The following EPSTI1 variants were observed in gnomAD, a reference collection of about 807,000 sequenced individuals.
EPSTI1 encodes epithelial stromal interaction 1.
EPSTI1 carries 66 observed loss-of-function variants against 49.9 expected under a neutral mutation model. The ratio of observed to expected loss-of-function variants is 1.32; its 90% CI spans 1.08 to 1.62. EPSTI1 has a LOEUF of 1.62. Among genes scored for constraint, EPSTI1 ranks in the 40% most tolerant of loss-of-function variants. The pLI, the probability that EPSTI1 is intolerant of heterozygous loss-of-function variation, is 0.00. For synonymous variants in EPSTI1, 137 were observed against 130.7 expected, an observed-to-expected ratio of 1.05 and a Z score of -0.33; for missense variants, 394 against 365.5, an observed-to-expected ratio of 1.08 and a Z score of -0.64.
chr13:42,974,521 T>A (rs1168039697), intron 1 of EPSTI1, among the ~76,000 whole-genome samples: 1 of 151,460 alleles, frequency 6.6e-6, no homozygotes, highest in Non-Finnish European at 1.5e-5. Flanking sequence ...TAGCCGGGCG[T>A]GGTGGTGGGC....
At chr13:42,939,241 A>G (rs1575518) in intron 6 of EPSTI1, among the ~76,000 whole-genome samples, 82,712 of 151,990 alleles carry the variant, frequency 0.54, 22,870 homozygotes, top group African/African-American at 0.64. Flanking sequence ...CATATTAGCA[A>G]TACAGCTATT....
At chr13:42,974,954 C>T (rs899822766) in intron 1 of EPSTI1, among the ~76,000 whole-genome samples, 2 of 151,850 alleles carry the variant, frequency 1.3e-5, no homozygotes, top group Admixed American at 1.3e-4. Context: ...AAGTGAAAAA[C>T]ATAATTTCAA....
intron 1 of EPSTI1, among the ~76,000 whole-genome samples, chr13:42,982,860 C>T (rs1817060951): frequency 6.6e-6 from 1 of 152,170 alleles, no homozygotes; most frequent in Non-Finnish European, 1.5e-5. Context: ...ATCCTCCCTC[C>T]TCCCTAAACC....
chr13:42,992,076 C>G lies in EPSTI1; in HGVS notation c.90G>C (p.Arg30=), dbSNP rs750532901. 6.2e-7 allele frequency: 1 copy of G among 1,613,320 alleles called. No individual in the cohort carries two copies. The highest frequency in any genetic ancestry group is 1.1e-5 in the South Asian group (1 of 91,086). Residue 30 remains arginine (R), a synonymous_variant, in exon 1 of 11, where the codon CGG becomes CGC. Transcript: ENST00000313624. ...CTTCCACGGGGCTCAGCTCCCCTTG[C>G]CGCCCAGAAGGGTCCTGGGGATCCC... ...PTRDPQDPSG[R]QGELSPVEDQ...
chr13:42,893,093 T>G (rs528579663), intron 10 of EPSTI1, among the ~76,000 whole-genome samples: 1 of 152,298 alleles, frequency 6.6e-6, no homozygotes, highest in Non-Finnish European at 1.5e-5. Flanking sequence ...TTCTAAAACC[T>G]TGTAACAGTG....
chr13:42,902,036 C>A (rs990730393), intron 8 of EPSTI1, among the ~76,000 whole-genome samples: 1 of 150,614 alleles, frequency 6.6e-6, no homozygotes, highest in Middle Eastern at 3.4e-3. Flanking sequence ...TTTGTTCTTG[C>A]GATAGTTTAC....
At chr13:42,928,850 C>A (rs2038270476) in intron 6 of EPSTI1, among the ~76,000 whole-genome samples, 1 of 152,180 alleles carries the variant, frequency 6.6e-6, no homozygotes. Context: ...ATGCCACATC[C>A]AGTACTAACT....
intron 8 of EPSTI1, among the ~76,000 whole-genome samples, chr13:42,910,546 G>T (rs747287702): frequency 6.6e-6 from 1 of 151,988 alleles, no homozygotes; most frequent in African/African-American, 2.4e-5. Flanking sequence ...GAGCCACCGC[G>T]CCTGGTCCAA....
Position 42,912,012 on chromosome 13 carries a change from A to G in EPSTI1, c.741+5529T>C, listed in dbSNP as rs572688224. Among the ~76,000 whole-genome samples, 42 of 152,302 alleles carry G rather than the reference A, an allele frequency of 2.8e-4. 1 individual carries two copies. The highest frequency in any genetic ancestry group is 9.6e-4 in the African/African-American group (40 of 41,546). ...TAATAATAATTTTCTCTGTCACCCA[A>G]TAGTTTATTTTCTGACTTTCAGTAT... On this transcript the variant is annotated intron_variant, in intron 8 of 10. Transcript: ENST00000313624.
chr13:42,917,642 G>T lies in EPSTI1; in HGVS notation c.658-18C>A, dbSNP rs199595584. On this transcript the variant is annotated intron_variant, in intron 7 of 10. Coordinates refer to ENST00000313624, the MANE Select transcript of EPSTI1 (RefSeq NM_033255.5). ...CTTCTGGCCTGTAAAGGTACAAAGA[G>T]AAAAAAAAAAAAAAAAACAACTTGA... 323 of 426,370 alleles carry T rather than the reference G, an allele frequency of 7.6e-4. No individual in the cohort carries two copies. Among genetic ancestry groups the T allele is most frequent in the Middle Eastern group, 1.0e-3 (2 of 1,930 alleles). The allele number at this position is 426,370 out of a possible 1,614,324, so 26.4% of individuals were successfully genotyped here.
chr13:42,907,320 A>G (rs1293860376), intron 8 of EPSTI1, among the ~76,000 whole-genome samples: 1 of 152,238 alleles, frequency 6.6e-6, no homozygotes, highest in Non-Finnish European at 1.5e-5. Flanking sequence ...TTATGTTATT[A>G]AAATGTGGTA....
intron 6 of EPSTI1, among the ~76,000 whole-genome samples, chr13:42,931,501 G>A (rs1327362356): frequency 1.3e-5 from 2 of 152,210 alleles, no homozygotes; most frequent in African/African-American, 2.4e-5. Context: ...CACCGCGCCC[G>A]GCCTTGCCTG....
intron 10 of EPSTI1, among the ~76,000 whole-genome samples, chr13:42,894,675 GA>G (rs61611018): frequency 0.035 from 4,892 of 138,572 alleles, 217 homozygotes; most frequent in African/African-American, 0.11. Flanking sequence ...CCATATTTCT[GA>G]AAAAAAAAAA....
intron 8 of EPSTI1, among the ~76,000 whole-genome samples, chr13:42,901,048 T>C (rs751972270): frequency 1.3e-5 from 2 of 152,178 alleles, no homozygotes; most frequent in African/African-American, 2.4e-5. Context: ...GTTTACAGTA[T>C]TATACCGAAG....
At chr13:42,932,003 G>A (rs1244208664) in intron 6 of EPSTI1, among the ~76,000 whole-genome samples, 1 of 152,068 alleles carries the variant, frequency 6.6e-6, no homozygotes, top group Non-Finnish European at 1.5e-5. Context: ...TCACATTGTT[G>A]CCCAGGCTGG....
intron 8 of EPSTI1, among the ~76,000 whole-genome samples, chr13:42,914,499 T>C (rs959151501): frequency 2.0e-5 from 3 of 151,988 alleles, no homozygotes; most frequent in African/African-American, 4.8e-5. Flanking sequence ...AGGGAGAAGA[T>C]AGGAATTACA....
At chr13:42,919,242 C>A in intron 7 of EPSTI1, 1 of 1,551,170 alleles carries the variant, frequency 6.4e-7, no homozygotes, top group South Asian at 1.1e-5. Context: ...ACTGGGAAGT[C>A]ACATGGCATC....
chr13:42,914,435 A>T (rs1011037172), intron 8 of EPSTI1, among the ~76,000 whole-genome samples: 1 of 152,216 alleles, frequency 6.6e-6, no homozygotes, highest in African/African-American at 2.4e-5. Context: ...GTTAAAAAAA[A>T]AAATAAAAGC....
chr13:42,969,358 G>A (rs1003805279), intron 2 of EPSTI1, 181 bp from the exon 3 acceptor site: 23 of 614,150 alleles, frequency 3.7e-5, no homozygotes, highest in Middle Eastern at 3.9e-4. Context: ...TCCTGGGCCC[G>A]GCCCTGTGGC....
Sources: allele counts gnomAD v4.1 joint callset (sites outside exome capture counted in the v4.1 genomes callset), GRCh38; gene constraint gnomAD v4.1.1; transcripts MANE v1.5; gene names NCBI Gene and HGNC (gene_info 2026-07-23, HGNC 2026-07-21).